SGCZ: variants seen among roughly 807,000 people sequenced by gnomAD.
The protein encoded by SGCZ is sarcoglycan zeta, also known as zeta-sarcoglycan.
A neutral mutation model predicts 41.3 loss-of-function variants in SGCZ; 40 were observed. The ratio of observed to expected loss-of-function variants is 0.97; its 90% CI spans 0.75 to 1.26. The LOEUF (loss-of-function observed/expected upper bound fraction) is 1.26, where lower values mean the gene tolerates loss of function less well. Among genes scored for constraint, SGCZ ranks in the 50% most tolerant of loss-of-function variants. The pLI is 0.00. For missense variants in SGCZ, 552 were observed against 369.8 expected, an observed-to-expected ratio of 1.49 and a Z score of -4.04; for synonymous variants, 206 against 137.5, an observed-to-expected ratio of 1.50 and a Z score of -3.49.
chr8:14,839,454 A>C (rs1242261346), intron 1 of SGCZ, among the ~76,000 whole-genome samples: 2 of 152,180 alleles, frequency 1.3e-5, no homozygotes, highest in Non-Finnish European at 2.9e-5. Context: ...TTATGTCTGG[A>C]GTTCAGGAGA....
Position 14,090,634 on chromosome 8 carries a change from A to G in SGCZ, c.748T>C (p.Phe250Leu), listed in dbSNP as rs1801661800. ...LHLQSTEGEI[F>L]LNAETIKLGN... ...AGCTTGATTGTCTCTGCATTTAAAA[A>G]TATCTATGGGAAAAAAGAAATTGCA... The change falls in exon 8 of 8, where the codon TTT becomes CTT. Residue 250 changes from phenylalanine (F) to leucine (L), a missense_variant. Coordinates refer to ENST00000382080, the MANE Select transcript of SGCZ (RefSeq NM_139167.4). 5 of 1,608,822 alleles carry G rather than the reference A, an allele frequency of 3.1e-6. No homozygotes were observed. Among genetic ancestry groups the G allele is most frequent in the Non-Finnish European group, 4.2e-6 (5 of 1,178,388 alleles).
chr8:14,470,937 TGGCCCCA>T (rs1801197406), intron 2 of SGCZ, among the ~76,000 whole-genome samples: 2 of 152,162 alleles, frequency 1.3e-5, no homozygotes, highest in African/African-American at 4.8e-5. Context: ...TTAGTAAGCT[TGGCCCCA>T]GGCACAATCA....
chr8:14,755,845 T>C (rs142249510), intron 1 of SGCZ, among the ~76,000 whole-genome samples: 1 of 151,702 alleles, frequency 6.6e-6, no homozygotes, highest in Non-Finnish European at 1.5e-5. Context: ...ATACAGGACA[T>C]AGATAACAAA....
At chr8:14,267,549 A>G (rs1799917179) in intron 3 of SGCZ, among the ~76,000 whole-genome samples, 1 of 152,178 alleles carries the variant, frequency 6.6e-6, no homozygotes, top group Non-Finnish European at 1.5e-5. Flanking sequence ...GGTATCGCCT[A>G]GTCTCATGAT....
intron 2 of SGCZ, chr8:14,487,758 T>C (rs908839742): frequency 6.6e-6 from 1 of 151,436 alleles, no homozygotes; most frequent in Non-Finnish European, 1.5e-5. Flanking sequence ...CGTACCTCAG[T>C]GCTACTTTTT....
chr8:14,637,655 TTC>T (rs1221592755), intron 1 of SGCZ, among the ~76,000 whole-genome samples: 2 of 151,914 alleles, frequency 1.3e-5, no homozygotes, highest in African/African-American at 4.8e-5. Flanking sequence ...CATGATTCCG[TTC>T]TTTTTTATGG....
At chr8:14,265,269 T>C (rs554769150) in intron 3 of SGCZ, among the ~76,000 whole-genome samples, 23 of 152,312 alleles carry the variant, frequency 1.5e-4, no homozygotes, top group Non-Finnish European at 2.4e-4. Flanking sequence ...TGCCGAGAAA[T>C]ACATCAGTTT....
chr8:14,222,785 C>T (rs932482784), intron 4 of SGCZ, among the ~76,000 whole-genome samples: 10 of 140,806 alleles, frequency 7.1e-5, no homozygotes, highest in African/African-American at 2.7e-4. Flanking sequence ...CTCTCTCAGT[C>T]ACAGTGATTT....
chr8:14,874,692 A>G (rs775798723), intron 1 of SGCZ, among the ~76,000 whole-genome samples: 9 of 152,178 alleles, frequency 5.9e-5, no homozygotes, highest in Non-Finnish European at 1.0e-4. Context: ...GTGATGTGCT[A>G]TCTTCAGTGA....
intron 1 of SGCZ, among the ~76,000 whole-genome samples, chr8:14,635,315 T>C (rs1407983495): frequency 6.6e-6 from 1 of 151,930 alleles, no homozygotes; most frequent in African/African-American, 2.4e-5. Context: ...CCATGAGAAA[T>C]ATATCCAACT....
chr8:15,138,840 G>A (rs531345741), intron 1 of SGCZ, among the ~76,000 whole-genome samples: 130 of 152,232 alleles, frequency 8.5e-4, no homozygotes, highest in Middle Eastern at 3.4e-3. Context: ...GGCTCAGGAC[G>A]GAGAACCAAA....
At chr8:14,247,736 A>T (rs964631468) in intron 3 of SGCZ, among the ~76,000 whole-genome samples, 2 of 152,072 alleles carry the variant, frequency 1.3e-5, no homozygotes, top group African/African-American at 4.8e-5. Flanking sequence ...CTTGAGGGTA[A>T]TGTTGCCCTC....
At chr8:15,139,125 T>C (rs1439393445) in intron 1 of SGCZ, among the ~76,000 whole-genome samples, 1 of 152,178 alleles carries the variant, frequency 6.6e-6, no homozygotes, top group African/African-American at 2.4e-5. Flanking sequence ...ATGAATGCCT[T>C]TGCTGAGGGC....
At chr8:14,620,454 T>C (rs1240105294) in intron 1 of SGCZ, among the ~76,000 whole-genome samples, 1 of 151,918 alleles carries the variant, frequency 6.6e-6, no homozygotes, top group Non-Finnish European at 1.5e-5. Context: ...CTAATTAAAC[T>C]AAAGAGCTTC....
chr8:14,403,927 A>G (rs1799143672), intron 2 of SGCZ, among the ~76,000 whole-genome samples: 1 of 152,186 alleles, frequency 6.6e-6, no homozygotes, highest in Non-Finnish European at 1.5e-5. Flanking sequence ...ACTGGGAGAA[A>G]TATTTTTATG....
At chr8:14,628,969 A>G (rs925185181) in intron 1 of SGCZ, among the ~76,000 whole-genome samples, 3 of 152,164 alleles carry the variant, frequency 2.0e-5, no homozygotes, top group Non-Finnish European at 4.4e-5. Context: ...GTCGTAATCA[A>G]TTCCAAACTT....
chr8:14,578,904 T>G (rs1446843651), intron 1 of SGCZ, among the ~76,000 whole-genome samples: 1 of 152,168 alleles, frequency 6.6e-6, no homozygotes, highest in Non-Finnish European at 1.5e-5. Context: ...AAAATCTATG[T>G]TTTTGTATGG....
At chr8:14,324,251 A>T in intron 2 of SGCZ, 47 bp from the exon 3 acceptor site, 1 of 1,361,198 alleles carries the variant, frequency 7.3e-7, no homozygotes, top group Non-Finnish European at 1.0e-6. Context: ...TTGGAGAATG[A>T]ATATCTGGCC....
At chr8:14,812,655 C>T (rs1478380141) in intron 1 of SGCZ, among the ~76,000 whole-genome samples, 1 of 152,060 alleles carries the variant, frequency 6.6e-6, no homozygotes, top group African/African-American at 2.4e-5. Context: ...GCTAAAATAT[C>T]ATATAATTCT....
Sources: allele counts gnomAD v4.1 joint callset (sites outside exome capture counted in the v4.1 genomes callset), GRCh38; gene constraint gnomAD v4.1.1; transcripts MANE v1.5; gene names NCBI Gene and HGNC (gene_info 2026-07-23, HGNC 2026-07-21).